CAMK2A: variants seen among roughly 807,000 people sequenced by gnomAD.
CAMK2A encodes the protein calcium/calmodulin-dependent protein kinase type II subunit alpha.
In CAMK2A, 7 loss-of-function variants were observed where a neutral mutation model predicts 79.2. The observed-to-expected ratio is 0.09, with a 90% CI of 0.05 to 0.17. The LOEUF (loss-of-function observed/expected upper bound fraction) is 0.17. Ranked by LOEUF, CAMK2A falls within the 10% of genes least tolerant of loss-of-function variation. CAMK2A has a pLI of 1.00. For missense variants in CAMK2A, 214 were observed against 646.4 expected (o/e 0.33, Z 7.25); for synonymous variants, 242 against 251.7 (o/e 0.96, Z 0.36).
intron 3 of CAMK2A, 77 bp downstream of exon 3, chr5:150,264,879 G>A (rs1049800105): frequency 2.1e-5 from 24 of 1,151,728 alleles, no homozygotes; most frequent in East Asian, 1.4e-4. Context: ...CACCCAACCC[G>A]CAAACACCCA....
chr5:150,236,290 TA>T (rs1357102289), intron 15 of CAMK2A, among the ~76,000 whole-genome samples: 1 of 152,228 alleles, frequency 6.6e-6, no homozygotes, highest in Non-Finnish European at 1.5e-5. Flanking sequence ...CTCTAACATT[TA>T]AATTTGTCTT....
Position 150,238,782 on chromosome 5 carries a change from G to A in CAMK2A, c.1018-34C>T, listed in dbSNP as rs762363039. 5 of 1,565,858 alleles carry A rather than the reference G, an allele frequency of 3.2e-6. No homozygotes were observed. The South Asian group carries it at 4.8e-5, about 15-fold the overall frequency. ...GAGAATACAGGAGATGGTGAGGCCTGCCTGGGAGCGGGACGAGGCATGGCC... is the reference window on the plus strand; with the variant it reads ...GAGAATACAGGAGATGGTGAGGCCTACCTGGGAGCGGGACGAGGCATGGCC... On this transcript the variant is annotated intron_variant, in intron 14 of 18. Coordinates refer to ENST00000671881, the MANE Select transcript of CAMK2A (RefSeq NM_015981.4).
intron 15 of CAMK2A, among the ~76,000 whole-genome samples, chr5:150,232,995 A>C (rs1271926094): frequency 6.6e-6 from 1 of 152,174 alleles, no homozygotes; most frequent in Non-Finnish European, 1.5e-5. Context: ...GCCCCAGCTC[A>C]CTGTCTGTCC....
rs567486244 is a variant in CAMK2A at position 150,223,617 on chromosome 5, A to T, written c.1238-400T>A. On this transcript the variant is annotated intron_variant, in intron 17 of 18. Transcript: ENST00000671881. This position sits in a 1 kb window ranked among gnomAD's most constrained non-coding sequence, Gnocchi z 4.1. ...GGGGCTGAGCTGGGTATAAGATGCT[A>T]AATGACAACTGACCCTTTGCCTCTG... Among the ~76,000 whole-genome samples, 10 of 152,272 alleles carry T rather than the reference A, an allele frequency of 6.6e-5. No individual in the cohort carries two copies. In the South Asian group the frequency reaches 2.1e-3, roughly 32 times the overall value.
At position 150,273,127 on chromosome 5, in the gene CAMK2A, T is replaced by C; in HGVS notation, c.95A>G (p.Lys32Arg). 1 of 1,613,634 alleles carries C rather than the reference T, an allele frequency of 6.2e-7. No homozygotes were observed. Among genetic ancestry groups the C allele is most frequent in the Non-Finnish European group, 8.5e-7 (1 of 1,179,914 alleles). Reference protein sequence around the residue: ...GAFSVVRRCVKVLAGQEYAAK... With the variant: ...GAFSVVRRCVRVLAGQEYAAK... Reference sequence around the variant, plus strand: ...AGCATACTCCTGGCCAGCCAGCACCTTCACACACCTTCGCACCACCGAGAA... The same window carrying C: ...AGCATACTCCTGGCCAGCCAGCACCCTCACACACCTTCGCACCACCGAGAA... Residue 32 changes from lysine (K) to arginine (R), a missense_variant, in exon 2 of 19, where the codon AAG (lysine) becomes AGG (arginine). Around this residue, in one of 4 missense-constraint regions of CAMK2A, gnomAD observed 72 missense variants for 333.9 expected, o/e 0.22. Transcript: ENST00000671881.
chr5:150,282,247 C>T (rs935864357), intron 1 of CAMK2A, among the ~76,000 whole-genome samples: 2 of 152,174 alleles, frequency 1.3e-5, no homozygotes, highest in Non-Finnish European at 2.9e-5. Flanking sequence ...GCAGAAGTCT[C>T]GTGGGGGACA....
intron 3 of CAMK2A, among the ~76,000 whole-genome samples, chr5:150,259,492 A>T (rs1756212001): frequency 6.6e-6 from 1 of 152,162 alleles, no homozygotes; most frequent in South Asian, 2.1e-4. Context: ...ACTGCATTCC[A>T]GCCTAGATAA....
intron 1 of CAMK2A, among the ~76,000 whole-genome samples, chr5:150,276,956 G>A (rs1312527844): frequency 3.9e-5 from 6 of 152,188 alleles, no homozygotes; most frequent in Admixed American, 1.3e-4. Context: ...CTGGCCGGGC[G>A]TGATGGCTCA....
chr5:150,288,931 G>A (rs1164694301), intron 1 of CAMK2A, among the ~76,000 whole-genome samples: 1 of 152,138 alleles, frequency 6.6e-6, no homozygotes, highest in Non-Finnish European at 1.5e-5. Flanking sequence ...GGTGCTCCCC[G>A]CTACAGCTTT....
chr5:150,246,013 A>G (rs575225686), intron 12 of CAMK2A, among the ~76,000 whole-genome samples: 1 of 152,348 alleles, frequency 6.6e-6, no homozygotes, highest in Admixed American at 6.5e-5. Flanking sequence ...GAAACAAGGT[A>G]TCTGTGAAGT....
At position 150,223,124 on chromosome 5, in the gene CAMK2A, C is replaced by A; in HGVS notation, c.1331G>T (p.Arg444Leu). Residue 444 changes from arginine to leucine, a missense_variant, in exon 18 of 19, where the codon CGC becomes CTC. Physicochemically the swap from Arg to Leu is moderately radical, Grantham distance 102 (BLOSUM62 -2). Around this residue, in one of 4 missense-constraint regions of CAMK2A, gnomAD observed 123 missense variants for 242.4 expected, o/e 0.51. Coordinates refer to ENST00000671881, the MANE Select transcript of CAMK2A (RefSeq NM_015981.4). This position sits in a 1 kb window ranked among gnomAD's most constrained non-coding sequence, Gnocchi z 4.1. Reference sequence around the variant, plus strand: ...GCCAGCGTCCAGGTACTGCGTGATGCGGATGTAGGCGATGCAGGCTGACTC... The same window carrying A: ...GCCAGCGTCCAGGTACTGCGTGATGAGGATGTAGGCGATGCAGGCTGACTC... The part of the protein sequence containing the change: ...GDESACIAYI[R>L]ITQYLDAGGI... The A allele has an allele frequency of 1.9e-6, 3 of 1,614,116 alleles. No individual in the cohort carries two copies.
chr5:150,287,593 A>G (rs1183974860), intron 1 of CAMK2A, among the ~76,000 whole-genome samples: 1 of 152,018 alleles, frequency 6.6e-6, no homozygotes, highest in Admixed American at 6.6e-5. Context: ...CATCACTTTT[A>G]TTTTCACTTT....
intron 13 of CAMK2A, 72 bp from the exon 14 acceptor site, chr5:150,239,808 C>A: frequency 7.3e-7 from 1 of 1,362,492 alleles, no homozygotes; most frequent in South Asian, 1.2e-5. Flanking sequence ...AGAGGAACGA[C>A]AGGGGAGGTT....
intron 12 of CAMK2A, among the ~76,000 whole-genome samples, 164 bp downstream of exon 12, chr5:150,247,608 T>C (rs1755626310): frequency 1.3e-5 from 2 of 152,172 alleles, no homozygotes; most frequent in Admixed American, 1.3e-4. Flanking sequence ...TCTTCACTTC[T>C]GGGTACAGGC....
At chr5:150,267,532 T>C (rs1368484380) in intron 2 of CAMK2A, among the ~76,000 whole-genome samples, 1 of 152,256 alleles carries the variant, frequency 6.6e-6, no homozygotes, top group Non-Finnish European at 1.5e-5. Context: ...GAACTAATTG[T>C]ATAAATCTTA....
At chr5:150,247,853 G>A (rs531572232) in intron 11 of CAMK2A, 39 bp from the exon 12 acceptor site, 64 of 1,575,782 alleles carry the variant, frequency 4.1e-5, no homozygotes, top group South Asian at 1.2e-4. Context: ...AGAGGAGGCC[G>A]GAGTGAAGGG....
At chr5:150,268,169 C>T (rs1012071322) in intron 2 of CAMK2A, among the ~76,000 whole-genome samples, 7 of 152,112 alleles carry the variant, frequency 4.6e-5, no homozygotes, top group African/African-American at 1.4e-4. Context: ...CCGGACCCAC[C>T]AAGGAGCTCT....
intron 12 of CAMK2A, among the ~76,000 whole-genome samples, chr5:150,246,069 G>A (rs1377953731): frequency 6.6e-6 from 1 of 152,238 alleles, no homozygotes; most frequent in Non-Finnish European, 1.5e-5. Flanking sequence ...CTCAGGAAAT[G>A]GTAGCCATGA....
chr5:150,242,387 A>G (rs961242415), intron 13 of CAMK2A, among the ~76,000 whole-genome samples: 1 of 152,174 alleles, frequency 6.6e-6, no homozygotes, highest in Non-Finnish European at 1.5e-5. Context: ...TTAGCCTCGA[A>G]AAGCCCTCCA....
Sources: gnomAD v4.1 joint callset for allele counts (sites outside exome capture counted in the v4.1 genomes callset) on GRCh38, gnomAD v4.1.1 for gene constraint, gnomAD v4.1.1 regional missense constraint, Gnocchi (gnomAD v3.1) non-coding constraint, MANE v1.5 for transcripts, NCBI Gene and HGNC (gene_info 2026-07-23, HGNC 2026-07-21) for gene names.